The following SNX31 variants were observed in gnomAD, a reference collection of about 807,000 sequenced individuals.
The protein encoded by SNX31 is sorting nexin 31.
SNX31 carries 58 observed loss-of-function variants against 65.4 expected under a neutral mutation model. That is an observed-to-expected ratio of 0.89 (90% CI 0.72 to 1.10). The LOEUF (loss-of-function observed/expected upper bound fraction) is 1.10. SNX31 is among the 50% of genes least tolerant of loss of function. The probability of loss-of-function intolerance (pLI) is 0.00; values close to 1 mark genes in which losing one functional copy is unlikely to be tolerated. For missense variants in SNX31, 523 were observed against 529.7 expected (o/e 0.99, Z 0.12); for synonymous variants, 181 against 190.1 (o/e 0.95, Z 0.39).
intron 4 of SNX31, chr8:100,620,099 A>G (rs1481803545): frequency 6.6e-6 from 1 of 152,166 alleles, no homozygotes; most frequent in Non-Finnish European, 1.5e-5. Context: ...GTTTTGTTAC[A>G]CGGGTTTATT....
intron 11 of SNX31, among the ~76,000 whole-genome samples, chr8:100,587,096 C>T (rs1004717781): frequency 6.6e-6 from 1 of 152,126 alleles, no homozygotes; most frequent in African/African-American, 2.4e-5. Flanking sequence ...ACATGCTCAG[C>T]CCCAGGCAAT....
chr8:100,627,060 A>T (rs1424941184), intron 4 of SNX31, among the ~76,000 whole-genome samples: 1 of 152,208 alleles, frequency 6.6e-6, no homozygotes, highest in Non-Finnish European at 1.5e-5. Flanking sequence ...GGAAAATAAG[A>T]TACACAAAAC....
At chr8:100,584,357 G>C (rs1813835871) in intron 11 of SNX31, among the ~76,000 whole-genome samples, 169 bp from the exon 12 acceptor site, 1 of 152,070 alleles carries the variant, frequency 6.6e-6, no homozygotes, top group African/African-American at 2.4e-5. Flanking sequence ...CAATTAGTAA[G>C]TAACTATAAA....
intron 2 of SNX31, among the ~76,000 whole-genome samples, chr8:100,640,351 C>T (rs1270814436): frequency 1.3e-5 from 2 of 152,176 alleles, no homozygotes; most frequent in African/African-American, 4.8e-5. Flanking sequence ...GTCTCAAACT[C>T]CTGACCTCAG....
At position 100,578,923 on chromosome 8, in the gene SNX31, T is replaced by C. The variant is rs920758873; in HGVS notation, c.1171-1848A>G. ...TTTTGGTAGAGATGGGGTTTCACCA[T>C]GTTGGCCAGGCTGGTCTCAAACTCC... On this transcript the variant is annotated intron_variant, in intron 12 of 13. Transcript: ENST00000311812. This position sits in a 1 kb window ranked among gnomAD's most constrained non-coding sequence, Gnocchi z 4.7. 6.6e-6 allele frequency among the ~76,000 whole-genome samples: 1 copy of C among 152,054 alleles called. No homozygotes were observed. Among genetic ancestry groups the C allele is most frequent in the Admixed American group, 6.6e-5 (1 of 15,252 alleles).
intron 1 of SNX31, among the ~76,000 whole-genome samples, chr8:100,658,149 C>T (rs1057068467): frequency 1.3e-5 from 2 of 152,054 alleles, no homozygotes; most frequent in African/African-American, 4.8e-5. Context: ...CTAATGCTCC[C>T]GAAGTGTGAA....
intron 13 of SNX31, 118 bp from the exon 14 acceptor site, chr8:100,574,078 T>A (rs1219903046): frequency 1.8e-6 from 1 of 554,924 alleles, no homozygotes; most frequent in Non-Finnish European, 3.1e-6. Flanking sequence ...TACATTTGTA[T>A]AAGCAATGGT....
rs189312078 is a variant in SNX31 at position 100,658,994 on chromosome 8, G to A, written c.-58+4148C>T. On this transcript the variant is annotated intron_variant, in intron 1 of 5. Transcript: ENST00000520352. ...TGATTTAAGAAGAACTTAGATTCAT[G>A]TGGGATTCACACATGGATTACAAAG... Among the ~76,000 whole-genome samples, 191 of 152,246 alleles carry A rather than the reference G, an allele frequency of 1.3e-3. 2 individuals carry two copies. The highest frequency in any genetic ancestry group is 8.3e-3 in the South Asian group (40 of 4,822).
Position 100,573,749 on chromosome 8 carries a change from A to C in SNX31, c.*116T>G. ...GAATACAGTCCATGTTAATGCCAAA[A>C]AAATGGGAAGAGGTCAAATTTCCTC... On this transcript the variant is annotated 3_prime_UTR_variant, in exon 14 of 14. Coordinates refer to ENST00000311812, the MANE Select transcript of SNX31 (RefSeq NM_152628.4). 1.6e-6 allele frequency: 1 copy of C among 616,842 alleles called. No individual in the cohort carries two copies. Among genetic ancestry groups the C allele is most frequent in the Non-Finnish European group, 2.8e-6 (1 of 362,740 alleles). 38.2% of individuals were successfully genotyped at this position (616,842 alleles called of 1,614,324 possible).
Position 100,604,373 on chromosome 8 carries a change from G to A in SNX31, c.682-3932C>T, listed in dbSNP as rs1815942997. ...TCTAGTGTCCTCTGCAGAGGGCACA[G>A]TAGTGAGAAATAGAGGTCATATGCC... On this transcript the variant is annotated intron_variant, in intron 8 of 13. Coordinates refer to ENST00000311812, the MANE Select transcript of SNX31 (RefSeq NM_152628.4). The surrounding 1 kb of genome is among the most constrained non-coding windows in gnomAD (Gnocchi z 4.3). Among the ~76,000 whole-genome samples, 1 of 152,274 alleles carries A rather than the reference G, an allele frequency of 6.6e-6. No individual in the cohort carries two copies. Among genetic ancestry groups the A allele is most frequent in the Non-Finnish European group, 1.5e-5 (1 of 68,048 alleles).
chr8:100,577,506 C>T (rs893482951), intron 12 of SNX31, among the ~76,000 whole-genome samples: 3 of 152,184 alleles, frequency 2.0e-5, no homozygotes, highest in Admixed American at 6.5e-5. Flanking sequence ...CTTGAATATA[C>T]CTCATGTACA....
At chr8:100,641,562 A>AG (rs1563580372) in intron 2 of SNX31, among the ~76,000 whole-genome samples, 1 of 28,130 alleles carries the variant, frequency 3.6e-5, no homozygotes, top group Non-Finnish European at 5.6e-5. Flanking sequence ...AAAAAAAAAA[A>AG]AAAATATATA....
Position 100,614,905 on chromosome 8 carries a change from T to C in SNX31, c.433-1820A>G, listed in dbSNP as rs1044828272. Among the ~76,000 whole-genome samples the C allele has an allele frequency of 2.0e-5, 3 of 151,872 alleles. No individual in the cohort carries two copies. Among genetic ancestry groups the C allele is most frequent in the East Asian group, 1.9e-4 (1 of 5,188 alleles). ...AAAACAACAACCAAAAAAGAGACCA[T>C]TGAAAAGTAAAAGGCAGGCTGTGGG... On this transcript the variant is annotated intron_variant, in intron 5 of 13. Transcript: ENST00000311812. The surrounding 1 kb of genome is among the most constrained non-coding windows in gnomAD (Gnocchi z 5.1).
intron 2 of SNX31, among the ~76,000 whole-genome samples, chr8:100,640,019 C>A (rs1233991568): frequency 2.0e-5 from 3 of 152,082 alleles, no homozygotes; most frequent in Non-Finnish European, 4.4e-5. Flanking sequence ...TGAAATATGA[C>A]CCAAAGTATA....
rs1045358504 is a variant in SNX31 at position 100,578,612 on chromosome 8, G to T, written c.1171-1537C>A. On this transcript the variant is annotated intron_variant, in intron 12 of 13. Transcript: ENST00000311812. The surrounding 1 kb of genome is among the most constrained non-coding windows in gnomAD (Gnocchi z 4.7). ...TTGTAAAATCAATTGCTTTAAGGAG[G>T]TATGCATAAGACTTCCTTTAGGTTA... 4.6e-5 allele frequency among the ~76,000 whole-genome samples: 7 copies of T among 151,990 alleles called. No individual in the cohort carries two copies. The highest frequency in any genetic ancestry group is 1.7e-4 in the African/African-American group (7 of 41,358).
At position 100,575,454 on chromosome 8, in the gene SNX31, C is replaced by T. The variant is rs549144054; in HGVS notation, c.1228-1494G>A. Among the ~76,000 whole-genome samples, 1 of 152,332 alleles carries T rather than the reference C, an allele frequency of 6.6e-6. No individual in the cohort carries two copies. The highest frequency in any genetic ancestry group is 2.4e-5 in the African/African-American group (1 of 41,578). On this transcript the variant is annotated intron_variant, in intron 13 of 13. Coordinates refer to ENST00000311812, the MANE Select transcript of SNX31 (RefSeq NM_152628.4). This position sits in a 1 kb window ranked among gnomAD's most constrained non-coding sequence, Gnocchi z 5.1. ...AGTTGGACACTAGGTCTCTTTCCGA[C>T]CTGCTGGTCCTACTCACAGCATGAG... is the stretch of plus-strand genomic sequence containing the variant.
rs775732824 is a variant in SNX31 at position 100,604,030 on chromosome 8, G to A, written c.682-3589C>T. On this transcript the variant is annotated intron_variant, in intron 8 of 13. Coordinates refer to ENST00000311812, the MANE Select transcript of SNX31 (RefSeq NM_152628.4). The surrounding 1 kb of genome is among the most constrained non-coding windows in gnomAD (Gnocchi z 4.3). ...TGGAATTACAGGCGTGAGCCACTGC[G>A]CCCAGCTTTATATCATTACCTTTGA... 4.6e-5 allele frequency among the ~76,000 whole-genome samples: 7 copies of A among 152,120 alleles called. No individual in the cohort carries two copies. Among genetic ancestry groups the A allele is most frequent in the South Asian group, 2.1e-4 (1 of 4,822 alleles).
chr8:100,576,965 A>G lies in SNX31; in HGVS notation c.1227+54T>C. On this transcript the variant is annotated intron_variant, in intron 13 of 13. Transcript: ENST00000311812. This position sits in a 1 kb window ranked among gnomAD's most constrained non-coding sequence, Gnocchi z 4.8. ...GATGACTTTGGTTAAAGAGGAAAAAAGATCAGATTTATCAAAATTATAATG... is the reference window on the plus strand; with the variant it reads ...GATGACTTTGGTTAAAGAGGAAAAAGGATCAGATTTATCAAAATTATAATG... 1 of 1,416,936 alleles carries G rather than the reference A, an allele frequency of 7.1e-7. No homozygotes were observed. Among genetic ancestry groups the G allele is most frequent in the East Asian group, 2.3e-5 (1 of 43,782 alleles). The allele number at this position is 1,416,936 out of a possible 1,614,324, so 87.8% of individuals were successfully genotyped here.
intron 3 of SNX31, among the ~76,000 whole-genome samples, chr8:100,632,008 T>C (rs1818448601): frequency 6.6e-6 from 1 of 152,236 alleles, no homozygotes; most frequent in Non-Finnish European, 1.5e-5. Context: ...AGGTAAATAT[T>C]ATTTCTGTTT....
Sources: allele counts gnomAD v4.1 joint callset (sites outside exome capture counted in the v4.1 genomes callset), GRCh38; gene constraint gnomAD v4.1.1; non-coding constraint Gnocchi (gnomAD v3.1); transcripts MANE v1.5; gene names NCBI Gene and HGNC (gene_info 2026-07-23, HGNC 2026-07-21).